The following OMA1 variants were observed in gnomAD, a reference collection of about 807,000 sequenced individuals.
OMA1 encodes OMA1 zinc metallopeptidase.
In OMA1, 38 loss-of-function variants were observed where a neutral mutation model predicts 30.9. That is an observed-to-expected ratio of 1.23 (90% CI 0.95 to 1.61). OMA1 has a LOEUF of 1.61. Among genes scored for constraint, OMA1 ranks in the 40% most tolerant of loss-of-function variants. The pLI is 0.00. For missense variants in OMA1, 461 were observed against 349.2 expected (o/e 1.32, Z -2.55); for synonymous variants, 173 against 121.9 (o/e 1.42, Z -2.76).
In OMA1 at chr1:58,545,989, A is replaced by C. The variant is rs1056570204; in HGVS notation, c.-17+714T>G. Among the ~76,000 whole-genome samples the C allele has an allele frequency of 8.5e-5, 13 of 152,286 alleles. No homozygotes were observed. The East Asian group carries it at 2.5e-3, about 29-fold the overall frequency. Reference sequence around the variant, plus strand: ...TTTTAGCGAGGGTTGCACGACCTTGATCAACGCCTGAATGCCAAATAAGGG... The same window carrying C: ...TTTTAGCGAGGGTTGCACGACCTTGCTCAACGCCTGAATGCCAAATAAGGG... On this transcript the variant is annotated intron_variant, in intron 1 of 8. Coordinates refer to ENST00000371226, the MANE Select transcript of OMA1 (RefSeq NM_145243.5).
At chr1:58,491,320 G>T (rs1645684642) in intron 8 of OMA1, among the ~76,000 whole-genome samples, 1 of 152,154 alleles carries the variant, frequency 6.6e-6, no homozygotes, top group Non-Finnish European at 1.5e-5. Flanking sequence ...ATGCCAAATT[G>T]TAAAGACCAT....
intron 1 of OMA1, among the ~76,000 whole-genome samples, chr1:58,541,767 G>A (rs1243917512): frequency 6.6e-6 from 1 of 151,556 alleles, no homozygotes; most frequent in Non-Finnish European, 1.5e-5. Flanking sequence ...TTTTATTCCT[G>A]AGATACTTGC....
intron 7 of OMA1, among the ~76,000 whole-genome samples, chr1:58,509,537 A>T (rs1646040367): frequency 9.6e-6 from 1 of 104,236 alleles, no homozygotes; most frequent in Non-Finnish European, 2.3e-5. Context: ...CACCTACATT[A>T]AAAAAAAAAA....
intron 8 of OMA1, among the ~76,000 whole-genome samples, chr1:58,505,787 A>G (rs1645978866): frequency 6.6e-6 from 1 of 152,206 alleles, no homozygotes; most frequent in South Asian, 2.1e-4. Context: ...TTAAACTTTC[A>G]TCAAGTCAGT....
In OMA1 at chr1:58,506,138, T is replaced by G. The variant is rs745685522; in HGVS notation, c.1287A>C (p.Gln429His). The G allele has an allele frequency of 4.6e-6, 4 of 872,222 alleles. No homozygotes were observed. The highest frequency in any genetic ancestry group is 2.2e-4 in the Middle Eastern group (1 of 4,632). 54.0% of individuals were successfully genotyped at this position (872,222 alleles called of 1,614,324 possible). A position where few individuals can be genotyped will look rare whatever the true frequency, so the allele number is the denominator to read the frequency against. ...QMEFVDSLHGQPKMPEWLSTH... is the reference protein window; with the variant it reads ...QMEFVDSLHGHPKMPEWLSTH... ...TAGATAACCATTCTGGCATCTTGGG[T>G]TGGCCATGCAGGCTATCAACGAACT... Residue 429 changes from glutamine (Q) to histidine (H), a missense_variant, in exon 8 of 9, where the codon CAA becomes CAC. By Grantham distance (24) the Gln-to-His change is conservative. Transcript: ENST00000371226.
At chr1:58,514,013 G>C (rs1646122221) in intron 7 of OMA1, among the ~76,000 whole-genome samples, 2 of 152,172 alleles carry the variant, frequency 1.3e-5, no homozygotes, top group Non-Finnish European at 2.9e-5. Context: ...GCAGTGAATT[G>C]TCAAGTTAAA....
At chr1:58,525,998 A>AG (rs1646343608) in intron 7 of OMA1, among the ~76,000 whole-genome samples, 1 of 152,064 alleles carries the variant, frequency 6.6e-6, no homozygotes, top group African/African-American at 2.4e-5. Flanking sequence ...AGCTATCCAT[A>AG]GGGGAAAAAA....
Position 58,532,872 on chromosome 1 carries a change from G to A in OMA1, c.1011+1081C>T, listed in dbSNP as rs1646456773. ...TTCCTGTAACTCAAAAGAAATCAAG[G>A]AGATAATTACTTTCAGTGTTTCAGA... is the stretch of plus-strand genomic sequence containing the variant. On this transcript the variant is annotated intron_variant, in intron 5 of 8. Transcript: ENST00000371226. Among the ~76,000 whole-genome samples, 5 of 152,226 alleles carry A rather than the reference G, an allele frequency of 3.3e-5. No individual in the cohort carries two copies. In the South Asian group the frequency reaches 8.3e-4, roughly 25 times the overall value.
At chr1:58,519,449 A>AG (rs1557450841) in intron 7 of OMA1, among the ~76,000 whole-genome samples, 1 of 152,200 alleles carries the variant, frequency 6.6e-6, no homozygotes, top group Non-Finnish European at 1.5e-5. Flanking sequence ...AAAGAGCTAG[A>AG]TCGCTGTCCT....
At chr1:58,541,614 CAAAAAA>C (rs60360589) in intron 1 of OMA1, 50 of 65,628 alleles carry the variant, frequency 7.6e-4, no homozygotes, top group Non-Finnish European at 1.2e-3. Flanking sequence ...GAGAACCTGT[CAAAAAA>C]AAAAAAAAAA....
In OMA1 at chr1:58,531,771, G is replaced by A. The variant is rs61781817; in HGVS notation, c.1012-1042C>T. Among the ~76,000 whole-genome samples, 655 of 151,850 alleles carry A rather than the reference G, an allele frequency of 4.3e-3. 4 individuals are homozygous for A. The highest frequency in any genetic ancestry group is 6.1e-3 in the Non-Finnish European group (413 of 67,960). Reference sequence around the variant, plus strand: ...GTTGCCCAAGCTGGAGTGCAGTGGCGAGGTCTCGACTCACTGCAACCTCCG... The same window carrying A: ...GTTGCCCAAGCTGGAGTGCAGTGGCAAGGTCTCGACTCACTGCAACCTCCG... On this transcript the variant is annotated intron_variant, in intron 5 of 8. Coordinates refer to ENST00000371226, the MANE Select transcript of OMA1 (RefSeq NM_145243.5).
At chr1:58,493,077 T>G (rs889403932) in intron 8 of OMA1, among the ~76,000 whole-genome samples, 5 of 152,148 alleles carry the variant, frequency 3.3e-5, no homozygotes, top group African/African-American at 1.2e-4. Context: ...CATGATCAAG[T>G]GGGCTTCATC....
intron 8 of OMA1, among the ~76,000 whole-genome samples, chr1:58,488,115 A>C (rs1222022364): frequency 1.3e-5 from 2 of 152,112 alleles, no homozygotes; most frequent in Non-Finnish European, 2.9e-5. Flanking sequence ...AGTTTTCTTT[A>C]AATACAGATT....
In OMA1 at chr1:58,530,661, G is replaced by A. The variant is rs765170099; in HGVS notation, c.1080C>T (p.Ala360=). The change falls in exon 6 of 9, where the codon GCC becomes GCT. Residue 360 remains alanine (A), a synonymous_variant. Coordinates refer to ENST00000371226, the MANE Select transcript of OMA1 (RefSeq NM_145243.5). The part of the protein sequence containing the change: ...LGMIFLTMIW[A]ICPRDSLALL... ...GTGCCAAGCTATCTCGAGGACAAATGGCCCAAATCATTGTGAGGAAAATCA... is the reference window on the plus strand; with the variant it reads ...GTGCCAAGCTATCTCGAGGACAAATAGCCCAAATCATTGTGAGGAAAATCA... 8 of 872,600 alleles carry A rather than the reference G, an allele frequency of 9.2e-6. No homozygotes were observed. The highest frequency in any genetic ancestry group is 8.2e-5 in the African/African-American group (5 of 61,292). The allele number at this position is 872,600 out of a possible 1,614,324, so 54.1% of individuals were successfully genotyped here.
At chr1:58,495,353 G>A (rs928588227) in intron 8 of OMA1, among the ~76,000 whole-genome samples, 6 of 151,964 alleles carry the variant, frequency 3.9e-5, no homozygotes, top group African/African-American at 1.2e-4. Flanking sequence ...ACACCAACAT[G>A]GCACATGTAT....
At chr1:58,527,752 G>A (rs924411308) in intron 6 of OMA1, among the ~76,000 whole-genome samples, 1 of 150,524 alleles carries the variant, frequency 6.6e-6, no homozygotes, top group Non-Finnish European at 1.5e-5. Flanking sequence ...GACACTACTA[G>A]ACAATTTATT....
At chr1:58,508,653 C>CT (rs1184989246) in intron 7 of OMA1, among the ~76,000 whole-genome samples, 1 of 152,052 alleles carries the variant, frequency 6.6e-6, no homozygotes, top group Non-Finnish European at 1.5e-5. Context: ...AAGAGCTGCC[C>CT]TAGGAACTGG....
chr1:58,504,888 G>A (rs1645962265), intron 8 of OMA1, among the ~76,000 whole-genome samples: 1 of 151,796 alleles, frequency 6.6e-6, no homozygotes. Flanking sequence ...CCCACATCTA[G>A]CATCATTTCT....
Position 58,539,263 on chromosome 1 carries a change from G to C in OMA1, c.32C>G (p.Ala11Gly). 1.2e-6 allele frequency: 1 copy of C among 865,048 alleles called. No individual in the cohort carries two copies. Among genetic ancestry groups the C allele is most frequent in the Non-Finnish European group, 2.0e-6 (1 of 499,360 alleles). The allele number at this position is 865,048 out of a possible 1,614,324, so 53.6% of individuals were successfully genotyped here. A position where few individuals can be genotyped will look rare whatever the true frequency, so the allele number is the denominator to read the frequency against. Residue 11 changes from alanine (A) to glycine (G), a missense_variant, in exon 2 of 9, where the codon GCT (alanine) becomes GGT (glycine). Physicochemically the swap from Ala to Gly is moderately conservative, Grantham distance 60 (BLOSUM62 0). Coordinates refer to ENST00000371226, the MANE Select transcript of OMA1 (RefSeq NM_145243.5). MSFICGLQSA[A>G]RNHVFFRFNS... The stretch of plus-strand genomic sequence containing the variant: ...AAATCGGAAGAAAACATGGTTTCTA[G>C]CAGCAGACTGCAATCCACAGATGAA...
Sources: allele counts gnomAD v4.1 joint callset (sites outside exome capture counted in the v4.1 genomes callset), GRCh38; gene constraint gnomAD v4.1.1; transcripts MANE v1.5; gene names NCBI Gene and HGNC (gene_info 2026-07-23, HGNC 2026-07-21).